CATSPERD: variants seen among roughly 807,000 people sequenced by gnomAD.
CATSPERD encodes the protein cation channel sperm-associated auxiliary subunit delta.
CATSPERD carries 86 observed loss-of-function variants against 98.1 expected under a neutral mutation model. The observed-to-expected ratio is 0.88, with a 90% CI of 0.74 to 1.05. The LOEUF (loss-of-function observed/expected upper bound fraction) is 1.05, where lower values mean the gene tolerates loss of function less well. Ranked by LOEUF, CATSPERD falls within the 50% of genes least tolerant of loss-of-function variation. The pLI, the probability that CATSPERD is intolerant of heterozygous loss-of-function variation, is 0.00. For synonymous variants in CATSPERD, 394 were observed against 390.2 expected (o/e 1.01, Z -0.12); for missense variants, 995 against 1,005.7 (o/e 0.99, Z 0.14).
rs577538945 is a variant in CATSPERD, at chr19:5,766,931, G to T, written c.1559+776G>T. Among the ~76,000 whole-genome samples the T allele has an allele frequency of 2.0e-3, 300 of 151,832 alleles. 1 individual carries two copies. The highest frequency in any genetic ancestry group is 6.9e-3 in the African/African-American group (285 of 41,456). On this transcript the variant is annotated intron_variant, in intron 17 of 21. Coordinates refer to ENST00000381624, the MANE Select transcript of CATSPERD (RefSeq NM_152784.4). Reference sequence around the variant, plus strand: ...TGGTCTCCAAATCCTGACCTCAAGTGATTTGCCCGCCTCAGCCTCTCAAAG... The same window carrying T: ...TGGTCTCCAAATCCTGACCTCAAGTTATTTGCCCGCCTCAGCCTCTCAAAG...
intron 8 of CATSPERD, among the ~76,000 whole-genome samples, 156 bp from the exon 9 acceptor site, chr19:5,745,757 T>G (rs900250934): frequency 7.2e-5 from 11 of 151,980 alleles, no homozygotes; most frequent in African/African-American, 2.7e-4. Context: ...AAAGTTGTAT[T>G]TAATAAAAAT....
At chr19:5,741,478 C>T (rs777836362) in intron 7 of CATSPERD, among the ~76,000 whole-genome samples, 5 of 152,010 alleles carry the variant, frequency 3.3e-5, no homozygotes, top group Non-Finnish European at 5.9e-5. Flanking sequence ...GCAAGAGCCA[C>T]GTCCTCACAC....
Position 5,768,252 on chromosome 19 carries a change from C to T in CATSPERD, c.1634+10C>T, listed in dbSNP as rs1376506767. The T allele has an allele frequency of 1.1e-5, 18 of 1,610,408 alleles. No homozygotes were observed. Among genetic ancestry groups the T allele is most frequent in the Non-Finnish European group, 1.4e-5 (17 of 1,177,460 alleles). On this transcript the variant is annotated intron_variant, in intron 18 of 21. Coordinates refer to ENST00000381624, the MANE Select transcript of CATSPERD (RefSeq NM_152784.4). ...GCTTCATCATCGAGAAGTAAGCCAG[C>T]GTCCCCCCGCAACACCTGACACCCA...
At chr19:5,721,192 G>C (rs555203840) in intron 1 of CATSPERD, among the ~76,000 whole-genome samples, 3 of 151,742 alleles carry the variant, frequency 2.0e-5, no homozygotes, top group African/African-American at 7.3e-5. Flanking sequence ...TAGTAAAGAC[G>C]GGGGTTTCAC....
chr19:5,752,155 G>A (rs558575427), intron 12 of CATSPERD, among the ~76,000 whole-genome samples: 16 of 151,798 alleles, frequency 1.1e-4, no homozygotes, highest in Non-Finnish European at 1.5e-4. Context: ...CTAAAAATAC[G>A]AAAATTAGCT....
Position 5,757,829 on chromosome 19 carries a change from TCCCCCACTCCCAGGTGATGGTGAGCAA to T in CATSPERD, c.1279-2_1303del, listed in dbSNP as rs1568363575. On this transcript the variant is annotated splice_acceptor_variant and splice_polypyrimidine_tract_variant and coding_sequence_variant and intron_variant, in exon 14 of 22. Coordinates refer to ENST00000381624, the MANE Select transcript of CATSPERD (RefSeq NM_152784.4). LOFTEE classifies it high-confidence loss of function. The stretch of plus-strand genomic sequence containing the variant: ...TGGCTCCGTACAGCCTGAGCTTCTC[TCCCCCACTCCCAGGTGATGGTGAGCAA>T]CCCCCACTCCCTGGGGTTCCAGGCC... The T allele has an allele frequency of 1.2e-6, 2 of 1,608,374 alleles. No homozygotes were observed. Among genetic ancestry groups the T allele is most frequent in the East Asian group, 2.2e-5 (1 of 44,720 alleles).
At chr19:5,773,814 T>C (rs1025348223) in intron 20 of CATSPERD, among the ~76,000 whole-genome samples, 2 of 151,214 alleles carry the variant, frequency 1.3e-5, no homozygotes, top group Non-Finnish European at 2.9e-5. Flanking sequence ...TCAGCCTCAG[T>C]GTGTATTTCT....
intron 18 of CATSPERD, among the ~76,000 whole-genome samples, chr19:5,770,235 C>T (rs369676072): frequency 3.0e-4 from 45 of 150,992 alleles, no homozygotes; most frequent in South Asian, 6.3e-4. Context: ...CAAGACCAGC[C>T]CAGCCAACAT....
At chr19:5,723,783 T>G (rs1224839406) in intron 1 of CATSPERD, among the ~76,000 whole-genome samples, 1 of 118,722 alleles carries the variant, frequency 8.4e-6, no homozygotes, top group Non-Finnish European at 1.7e-5. Context: ...TTTGTTTTTG[T>G]TTTTTTTTTT....
At chr19:5,759,206 C>T (rs1351145898) in intron 15 of CATSPERD, 62 bp downstream of exon 15, 71 of 1,465,954 alleles carry the variant, frequency 4.8e-5, no homozygotes, top group Non-Finnish European at 6.4e-5. Flanking sequence ...TTAGCAGGAG[C>T]GAAGAGAAGC....
chr19:5,770,651 C>T lies in CATSPERD; in HGVS notation c.1635-293C>T, dbSNP rs143686371. ...AAAATATTAACCATGCGTGGTGGTGCGTGCCTGTAATCCCAGCCACTCGGG... is the reference window on the plus strand; with the variant it reads ...AAAATATTAACCATGCGTGGTGGTGTGTGCCTGTAATCCCAGCCACTCGGG... On this transcript the variant is annotated intron_variant, in intron 18 of 21. Transcript: ENST00000381624. 1.6e-3 allele frequency among the ~76,000 whole-genome samples: 238 copies of T among 151,596 alleles called. 6 individuals carry two copies. In the East Asian group the frequency reaches 0.042, roughly 27 times the overall value.
chr19:5,723,587 C>G (rs567462610), intron 1 of CATSPERD, among the ~76,000 whole-genome samples: 2 of 151,466 alleles, frequency 1.3e-5, no homozygotes, highest in African/African-American at 4.8e-5. Flanking sequence ...GCCTCAGCCT[C>G]CCGAGTAGCT....
chr19:5,723,782 G>GTTTTGTTTTGTTTTTGT (rs2055548654), intron 1 of CATSPERD, among the ~76,000 whole-genome samples: 2 of 134,826 alleles, frequency 1.5e-5, no homozygotes, highest in African/African-American at 5.4e-5. Flanking sequence ...TTTTGTTTTT[G>GTTTTGTTTTGTTTTTGT]TTTTTTTTTT....
intron 15 of CATSPERD, among the ~76,000 whole-genome samples, chr19:5,760,332 G>C (rs1045799839): frequency 1.1e-4 from 16 of 151,348 alleles, no homozygotes; most frequent in African/African-American, 3.4e-4. Flanking sequence ...CCGGGAGGCA[G>C]AGGTTTCAGT....
intron 1 of CATSPERD, among the ~76,000 whole-genome samples, chr19:5,722,682 T>C (rs1484075448): frequency 6.6e-6 from 1 of 151,734 alleles, no homozygotes; most frequent in Non-Finnish European, 1.5e-5. Context: ...CTGGACCTAC[T>C]GAGTCGGGGA....
At chr19:5,778,102 G>C (rs980332035) in intron 21 of CATSPERD, among the ~76,000 whole-genome samples, 31 of 151,412 alleles carry the variant, frequency 2.0e-4, no homozygotes, top group African/African-American at 7.5e-4. Context: ...AGATACTTGG[G>C]AGGCTGAGGC....
intron 2 of CATSPERD, among the ~76,000 whole-genome samples, chr19:5,726,178 C>T (rs1458102927): frequency 6.6e-6 from 1 of 151,584 alleles, no homozygotes; most frequent in East Asian, 2.0e-4. Flanking sequence ...TCTCCTGCCT[C>T]AGCCTCCCAA....
chr19:5,742,297 CG>C (rs2056001774), intron 7 of CATSPERD, among the ~76,000 whole-genome samples: 1 of 92,666 alleles, frequency 1.1e-5, no homozygotes, highest in African/African-American at 4.0e-5. Flanking sequence ...TGCGTGTGTA[CG>C]TATGTGAATG....
intron 9 of CATSPERD, among the ~76,000 whole-genome samples, chr19:5,747,598 CTTTT>C (rs2056118634): frequency 7.2e-6 from 1 of 138,698 alleles, no homozygotes; most frequent in Non-Finnish European, 1.5e-5. Context: ...ATCTGGTTTT[CTTTT>C]TTCTTTTCTT....
Sources: allele counts gnomAD v4.1 joint callset (sites outside exome capture counted in the v4.1 genomes callset), GRCh38; gene constraint gnomAD v4.1.1; transcripts MANE v1.5; gene names NCBI Gene and HGNC (gene_info 2026-07-23, HGNC 2026-07-21).